The following ADAMTS6 variants were observed in gnomAD, a reference collection of about 807,000 sequenced individuals.
ADAMTS6 encodes the protein ADAM metallopeptidase with thrombospondin type 1 motif 6.
In ADAMTS6, 23 loss-of-function variants were observed where a neutral mutation model predicts 144.3. The observed-to-expected ratio is 0.16, with a 90% CI of 0.11 to 0.23. The LOEUF is 0.23. Among genes scored for constraint, ADAMTS6 ranks in the 10% least tolerant of loss-of-function variants. ADAMTS6 has a pLI of 1.00. For synonymous variants in ADAMTS6, 444 were observed against 457.5 expected (o/e 0.97, Z 0.38); for missense variants, 999 against 1,379.6 (o/e 0.72, Z 4.37).
At chr5:65,238,975 T>C (rs980174636) in intron 15 of ADAMTS6, among the ~76,000 whole-genome samples, 3 of 152,088 alleles carry the variant, frequency 2.0e-5, no homozygotes, top group African/African-American at 7.2e-5. Context: ...AGTTAGCATA[T>C]TGGAAGAACT....
chr5:65,167,017 T>G (rs376374022), intron 24 of ADAMTS6, among the ~76,000 whole-genome samples: 2 of 146,840 alleles, frequency 1.4e-5, no homozygotes, highest in African/African-American at 5.0e-5. Flanking sequence ...GCAGAAGGCA[T>G]GAAATAACTA....
intron 7 of ADAMTS6, among the ~76,000 whole-genome samples, chr5:65,400,202 C>A (rs550453458): frequency 2.0e-5 from 3 of 151,648 alleles, no homozygotes; most frequent in African/African-American, 7.3e-5. Flanking sequence ...AATTTTTAAA[C>A]GTACATTTTA....
At chr5:65,351,510 A>C (rs1035376836) in intron 7 of ADAMTS6, among the ~76,000 whole-genome samples, 1 of 152,238 alleles carries the variant, frequency 6.6e-6, no homozygotes, top group Non-Finnish European at 1.5e-5. Context: ...TAGGCATTTG[A>C]TTCTGTCATT....
chr5:65,399,451 C>T (rs924101562), intron 7 of ADAMTS6, among the ~76,000 whole-genome samples: 3 of 152,070 alleles, frequency 2.0e-5, no homozygotes, highest in Non-Finnish European at 4.4e-5. Context: ...TCCACTCTGC[C>T]TTTTGTGGTT....
intron 22 of ADAMTS6, among the ~76,000 whole-genome samples, chr5:65,184,814 T>TC (rs1754571047): frequency 6.6e-6 from 1 of 151,872 alleles, no homozygotes; most frequent in African/African-American, 2.4e-5. Flanking sequence ...TTTTTTTTTT[T>TC]TCCTTTTGCC....
intron 1 of ADAMTS6, among the ~76,000 whole-genome samples, chr5:65,479,553 C>A (rs532849298): frequency 6.6e-6 from 1 of 152,262 alleles, no homozygotes; most frequent in African/African-American, 2.4e-5. Context: ...AGAGAGCTAT[C>A]CACCTCTTCC....
chr5:65,436,871 A>C (rs1293925049), intron 7 of ADAMTS6, among the ~76,000 whole-genome samples: 1 of 151,964 alleles, frequency 6.6e-6, no homozygotes, highest in Non-Finnish European at 1.5e-5. Flanking sequence ...AAAAAAAAAA[A>C]ACTTTCAAAA....
rs373828448 is a variant in ADAMTS6 at position 65,176,972 on chromosome 5, T to C, written c.2911-3964A>G. The stretch of plus-strand genomic sequence containing the variant: ...AATTTCTTAGAAATTATATACTTGG[T>C]TTATCTTCCACTTTCCTTTCCCTCA... On this transcript the variant is annotated intron_variant, in intron 22 of 24. Transcript: ENST00000381055. 1.4e-4 allele frequency among the ~76,000 whole-genome samples: 22 copies of C among 152,294 alleles called. No homozygotes were observed. The East Asian group carries it at 3.9e-3, about 27-fold the overall frequency.
intron 22 of ADAMTS6, among the ~76,000 whole-genome samples, chr5:65,176,948 A>C (rs577228836): frequency 6.6e-6 from 1 of 152,204 alleles, no homozygotes; most frequent in Non-Finnish European, 1.5e-5. Context: ...CAAAAGGTCA[A>C]TTTCTTAGAA....
chr5:65,210,626 G>A, intron 20 of ADAMTS6: 1 of 605,476 alleles, frequency 1.7e-6, no homozygotes, highest in Non-Finnish European at 3.0e-6. Context: ...GCTATGGATG[G>A]AGGCTTGTCT....
At chr5:65,170,865 A>C in intron 23 of ADAMTS6, 92 bp from the exon 24 acceptor site, 2 of 1,371,048 alleles carry the variant, frequency 1.5e-6, no homozygotes, top group Non-Finnish European at 9.9e-7. Context: ...ACAACACAAT[A>C]TGAACTTTTT....
chr5:65,451,654 A>G (rs1758750006), intron 6 of ADAMTS6, 34 bp from the exon 7 acceptor site: 1 of 1,607,628 alleles, frequency 6.2e-7, no homozygotes, highest in Non-Finnish European at 8.5e-7. Flanking sequence ...AAATGTTCCA[A>G]ACAAATTACT....
chr5:65,197,744 T>A (rs1755477950), intron 20 of ADAMTS6, among the ~76,000 whole-genome samples: 1 of 152,204 alleles, frequency 6.6e-6, no homozygotes, highest in Non-Finnish European at 1.5e-5. Flanking sequence ...AACCAACTAG[T>A]CTGTTTATTC....
intron 7 of ADAMTS6, among the ~76,000 whole-genome samples, chr5:65,337,496 C>T (rs1445889493): frequency 6.6e-6 from 1 of 151,958 alleles, no homozygotes; most frequent in Non-Finnish European, 1.5e-5. Context: ...GTGCTGTCAG[C>T]CCCATATTTC....
In ADAMTS6 at chr5:65,215,339, T is replaced by C; in HGVS notation, c.2421A>G (p.Glu807=). 1 of 1,613,450 alleles carries C rather than the reference T, an allele frequency of 6.2e-7. No individual in the cohort carries two copies. The highest frequency in any genetic ancestry group is 2.2e-5 in the East Asian group (1 of 44,862). Residue 807 remains glutamate, a synonymous_variant, in exon 19 of 25, where the codon GAA becomes GAG. Coordinates refer to ENST00000381055, the MANE Select transcript of ADAMTS6 (RefSeq NM_197941.4). Reference sequence around the variant, plus strand: ...ACGCATTTACCATGACGATGAGATTTTCTGAGGTAGGACCTAGAGCTTCCA... The same window carrying C: ...ACGCATTTACCATGACGATGAGATTCTCTGAGGTAGGACCTAGAGCTTCCA... The part of the protein sequence containing the change: ...ESLEALGPTS[E]NLIVMVLLQE...
At chr5:65,328,308 A>G (rs1327560350) in intron 9 of ADAMTS6, among the ~76,000 whole-genome samples, 1 of 152,076 alleles carries the variant, frequency 6.6e-6, no homozygotes, top group Non-Finnish European at 1.5e-5. Context: ...GTATATAAAA[A>G]ACATTGATTT....
chr5:65,222,918 A>G (rs1385524238), intron 18 of ADAMTS6, among the ~76,000 whole-genome samples: 2 of 151,968 alleles, frequency 1.3e-5, no homozygotes, highest in African/African-American at 4.8e-5. Context: ...AGCAGAAACT[A>G]GGAGAAAATA....
chr5:65,455,340 G>C (rs1310647467), intron 4 of ADAMTS6, among the ~76,000 whole-genome samples: 1 of 152,160 alleles, frequency 6.6e-6, no homozygotes, highest in Non-Finnish European at 1.5e-5. Context: ...GTCAGAGCTT[G>C]AGGCCAGCCT....
intron 8 of ADAMTS6, among the ~76,000 whole-genome samples, chr5:65,332,698 A>C (rs1746880739): frequency 6.6e-6 from 1 of 152,100 alleles, no homozygotes; most frequent in Admixed American, 6.6e-5. Flanking sequence ...AAAGAGCTTA[A>C]ATACACTGTA....
Sources: gnomAD v4.1 joint callset for allele counts (sites outside exome capture counted in the v4.1 genomes callset) on GRCh38, gnomAD v4.1.1 for gene constraint, MANE v1.5 for transcripts, NCBI Gene and HGNC (gene_info 2026-07-23, HGNC 2026-07-21) for gene names.